Variants in SIPA1L3 observed in about 807,000 individuals in gnomAD.
SIPA1L3 encodes signal induced proliferation associated 1 like 3.
Under a neutral mutation model 150.1 loss-of-function variants are expected in SIPA1L3, and 59 were observed. The ratio of observed to expected loss-of-function variants is 0.39; its 90% CI spans 0.32 to 0.49. SIPA1L3 has a LOEUF of 0.49. Ranked by LOEUF, SIPA1L3 falls within the 20% of genes least tolerant of loss-of-function variation. The pLI is 0.86. For synonymous variants in SIPA1L3, 1,070 were observed against 1,077.6 expected, an observed-to-expected ratio of 0.99 and a Z score of 0.14; for missense variants, 2,211 against 2,489.5, an observed-to-expected ratio of 0.89 and a Z score of 2.38.
chr19:38,055,203 A>C (rs974565620), intron 2 of SIPA1L3, among the ~76,000 whole-genome samples: 2 of 152,152 alleles, frequency 1.3e-5, no homozygotes, highest in African/African-American at 4.8e-5. Context: ...AAAAACCAGT[A>C]AGCCGTGGCT....
At chr19:38,185,342 TA>T (rs904930439) in intron 16 of SIPA1L3, 1 of 152,224 alleles carries the variant, frequency 6.6e-6, no homozygotes, top group Non-Finnish European at 1.5e-5. Flanking sequence ...GTAGATACTA[TA>T]AGGCCCCCAC....
intron 1 of SIPA1L3, among the ~76,000 whole-genome samples, chr19:38,000,055 A>G (rs1191750459): frequency 6.6e-6 from 1 of 152,192 alleles, no homozygotes; most frequent in Admixed American, 6.5e-5. Flanking sequence ...TAAGGATTAA[A>G]TTAGATACTG....
At chr19:37,933,673 G>A (rs1280533558) in intron 1 of SIPA1L3, among the ~76,000 whole-genome samples, 1 of 152,128 alleles carries the variant, frequency 6.6e-6, no homozygotes, top group Admixed American at 6.6e-5. Context: ...TGGGTGAGGC[G>A]GCATGTGCAG....
At position 37,957,122 on chromosome 19, in the gene SIPA1L3, T is replaced by A. The variant is rs558974006; in HGVS notation, c.-379+49764T>A. The stretch of plus-strand genomic sequence containing the variant: ...GATTATTAATATAAGGGTTTGTTTC[T>A]TCTGATCTATTGGTTTAAATGTCTA... On this transcript the variant is annotated intron_variant, in intron 1 of 21. Coordinates refer to ENST00000222345, the MANE Select transcript of SIPA1L3 (RefSeq NM_015073.3). 3.9e-5 allele frequency among the ~76,000 whole-genome samples: 6 copies of A among 152,370 alleles called. 1 individual carries two copies. In the South Asian group the frequency reaches 1.0e-3, roughly 26 times the overall value.
chr19:37,943,970 G>C (rs553735491), intron 1 of SIPA1L3, among the ~76,000 whole-genome samples: 5 of 152,078 alleles, frequency 3.3e-5, no homozygotes, highest in Non-Finnish European at 5.9e-5. Flanking sequence ...GCTGTAACCC[G>C]TTCCAACAGC....
chr19:38,068,257 C>T (rs1307756165), intron 2 of SIPA1L3, among the ~76,000 whole-genome samples: 1 of 151,966 alleles, frequency 6.6e-6, no homozygotes, highest in African/African-American at 2.4e-5. Flanking sequence ...TCTCGATCTC[C>T]TGACCTCGTG....
chr19:38,008,989 C>G (rs1315752554), intron 1 of SIPA1L3, among the ~76,000 whole-genome samples: 3 of 152,066 alleles, frequency 2.0e-5, no homozygotes, highest in African/African-American at 7.2e-5. Context: ...GGGTCCATCT[C>G]TCCTTCTTGC....
chr19:37,910,613 T>C (rs1478052428), intron 1 of SIPA1L3, among the ~76,000 whole-genome samples: 3 of 152,150 alleles, frequency 2.0e-5, no homozygotes, highest in Non-Finnish European at 2.9e-5. Flanking sequence ...TGCTTCCTTT[T>C]TGTTGTTTTT....
Position 38,082,957 on chromosome 19 carries a change from G to T in SIPA1L3, c.1392G>T (p.Leu464=). ...SGEGHLAEPA[L]SAYRTNASIS... is the part of the protein sequence containing the mutation. ...AGGGCCACCTGGCAGAGCCCGCCCT[G>T]AGCGCCTACCGCACCAACGCCAGCA... The change falls in exon 3 of 22, where the codon CTG becomes CTT. Residue 464 remains leucine, a synonymous_variant. Coordinates refer to ENST00000222345, the MANE Select transcript of SIPA1L3 (RefSeq NM_015073.3). 6.2e-7 allele frequency: 1 copy of T among 1,613,002 alleles called. No homozygotes were observed. Among genetic ancestry groups the T allele is most frequent in the South Asian group, 1.1e-5 (1 of 91,082 alleles).
chr19:38,168,031 C>T (rs780379825), intron 15 of SIPA1L3, among the ~76,000 whole-genome samples: 6 of 152,136 alleles, frequency 3.9e-5, no homozygotes, highest in Non-Finnish European at 5.9e-5. Context: ...GCCTCCCCAC[C>T]GCCCACTGTC....
At chr19:38,132,288 G>A (rs1345666542) in intron 10 of SIPA1L3, among the ~76,000 whole-genome samples, 2 of 151,274 alleles carry the variant, frequency 1.3e-5, no homozygotes, top group South Asian at 2.1e-4. Context: ...GGCCGGGTGT[G>A]GTGGCTCACA....
intron 9 of SIPA1L3, among the ~76,000 whole-genome samples, chr19:38,121,764 A>C (rs1433646840): frequency 7.5e-6 from 1 of 133,076 alleles, no homozygotes; most frequent in Non-Finnish European, 1.6e-5. Flanking sequence ...AACAAACAAA[A>C]AATAAATTAG....
At position 38,101,060 on chromosome 19, in the gene SIPA1L3, G is replaced by C; in HGVS notation, c.1863G>C (p.Arg621=). 1 of 1,559,586 alleles carries C rather than the reference G, an allele frequency of 6.4e-7. No individual in the cohort carries two copies. Among genetic ancestry groups the C allele is most frequent in the Non-Finnish European group, 8.7e-7 (1 of 1,152,000 alleles). The change falls in exon 6 of 22, where the codon CGG becomes CGC. Residue 621 remains arginine, a synonymous_variant. Transcript: ENST00000222345. ...LLKLDEQGLC[R]KHKVGILYCK... Reference sequence around the variant, plus strand: ...CACTCTTGCCTCTGCAGCTCTGCCGGAAGCACAAGGTGGGCATCCTCTATT... The same window carrying C: ...CACTCTTGCCTCTGCAGCTCTGCCGCAAGCACAAGGTGGGCATCCTCTATT...
Position 37,937,918 on chromosome 19 carries a change from G to A in SIPA1L3, c.-379+30560G>A, listed in dbSNP as rs537186865. The stretch of plus-strand genomic sequence containing the variant: ...AAAAATTAGCTGGGTGTGGTGGTGC[G>A]CACCTGTAGTCCCAGCTACTGAGGA... On this transcript the variant is annotated intron_variant, in intron 1 of 21. Transcript: ENST00000222345. 4.1e-3 allele frequency among the ~76,000 whole-genome samples: 615 copies of A among 151,182 alleles called. 3 individuals are homozygous for A. Among genetic ancestry groups the A allele is most frequent in the African/African-American group, 0.013 (553 of 41,184 alleles).
intron 1 of SIPA1L3, among the ~76,000 whole-genome samples, chr19:37,943,744 T>C (rs1053396717): frequency 1.3e-5 from 2 of 152,162 alleles, no homozygotes; most frequent in Non-Finnish European, 2.9e-5. Flanking sequence ...GTGTTGTATG[T>C]GACACCTCAG....
intron 1 of SIPA1L3, among the ~76,000 whole-genome samples, chr19:37,945,404 T>A (rs901262571): frequency 1.3e-5 from 2 of 152,000 alleles, no homozygotes; most frequent in Non-Finnish European, 2.9e-5. Context: ...TGGCTGATAT[T>A]TTTTTGTATT....
chr19:37,965,983 T>C (rs2046900812), intron 1 of SIPA1L3, among the ~76,000 whole-genome samples: 1 of 152,208 alleles, frequency 6.6e-6, no homozygotes, highest in African/African-American at 2.4e-5. Context: ...ATTGGCAGTC[T>C]GTGATCTATC....
chr19:37,971,386 C>G (rs1966930990), intron 1 of SIPA1L3, among the ~76,000 whole-genome samples: 1 of 152,108 alleles, frequency 6.6e-6, no homozygotes, highest in Non-Finnish European at 1.5e-5. Context: ...AAAAAGAAAC[C>G]CTGAACCCAT....
rs138370750 is a variant in SIPA1L3 at position 38,084,878 on chromosome 19, G to C, written c.1534+1779G>C. 5.7e-3 allele frequency among the ~76,000 whole-genome samples: 872 copies of C among 152,118 alleles called. 10 individuals are homozygous for C. Among genetic ancestry groups the C allele is most frequent in the African/African-American group, 0.02 (835 of 41,536 alleles). Reference sequence around the variant, plus strand: ...TGGTCTCGAACTCCTGACCTCAGGTGATCCACCCACCTTGGCCTCCCAAAG... The same window carrying C: ...TGGTCTCGAACTCCTGACCTCAGGTCATCCACCCACCTTGGCCTCCCAAAG... On this transcript the variant is annotated intron_variant, in intron 3 of 21. Coordinates refer to ENST00000222345, the MANE Select transcript of SIPA1L3 (RefSeq NM_015073.3).
Sources: allele counts gnomAD v4.1 joint callset (sites outside exome capture counted in the v4.1 genomes callset), GRCh38; gene constraint gnomAD v4.1.1; transcripts MANE v1.5; gene names NCBI Gene and HGNC (gene_info 2026-07-23, HGNC 2026-07-21).